HIP1R: variants seen among roughly 807,000 people sequenced by gnomAD.
HIP1R encodes the protein huntingtin-interacting protein 1-related protein.
Under a neutral mutation model 144.2 loss-of-function variants are expected in HIP1R, and 135 were observed. The ratio of observed to expected loss-of-function variants is 0.94; its 90% CI spans 0.81 to 1.08. The LOEUF is 1.08. Among genes scored for constraint, HIP1R ranks in the 50% least tolerant of loss-of-function variants. The pLI is 0.00. For missense variants in HIP1R, 1,462 were observed against 1,432.8 expected (o/e 1.02, Z -0.33); for synonymous variants, 698 against 612.8 (o/e 1.14, Z -2.05).
chr12:122,838,649 G>A (rs1007832152), intron 1 of HIP1R, among the ~76,000 whole-genome samples: 5 of 152,212 alleles, frequency 3.3e-5, no homozygotes, highest in Non-Finnish European at 5.9e-5. Context: ...CTGTGACTAC[G>A]TTAATGACTT....
At chr12:122,861,076 G>T (rs370978894) in intron 29 of HIP1R, 37 bp downstream of exon 29, 4 of 1,613,578 alleles carry the variant, frequency 2.5e-6, no homozygotes, top group Non-Finnish European at 3.4e-6. Context: ...GCTGGCTCCC[G>T]AGGCTGAATG....
chr12:122,841,140 C>T (rs147081435), intron 1 of HIP1R, among the ~76,000 whole-genome samples: 11 of 152,322 alleles, frequency 7.2e-5, no homozygotes, highest in Non-Finnish European at 1.2e-4. Context: ...CCCTCCCCGC[C>T]CAACTTGGTA....
At chr12:122,838,321 T>TA (rs59855317) in intron 1 of HIP1R, among the ~76,000 whole-genome samples, 161 of 127,622 alleles carry the variant, frequency 1.3e-3, no homozygotes, top group Admixed American at 2.6e-3. Context: ...TCCCTTTGGT[T>TA]AAAAAAAAAA....
At chr12:122,853,855 ACCT>A (rs887584207) in intron 7 of HIP1R, 185 bp from the exon 8 acceptor site, 1 of 583,846 alleles carries the variant, frequency 1.7e-6, no homozygotes, top group Non-Finnish European at 2.9e-6. Flanking sequence ...GTTGCCGTTG[ACCT>A]CCTTCATGGG....
At position 122,856,314 on chromosome 12, in the gene HIP1R, C is replaced by T. The variant is rs1318162598; in HGVS notation, c.1371C>T (p.Leu457=). The T allele has an allele frequency of 5.0e-6, 8 of 1,613,886 alleles. No individual in the cohort carries two copies. Among genetic ancestry groups the T allele is most frequent in the Admixed American group, 1.7e-5 (1 of 60,020 alleles). The part of the protein sequence containing the change: ...YNKLKEKHSE[L]VHVHAELLRK... ...AGCTGAAGGAAAAGCACAGTGAGCTCGTCCATGTGCACGCGGAGCTGCTCA... is the reference window on the plus strand; with the variant it reads ...AGCTGAAGGAAAAGCACAGTGAGCTTGTCCATGTGCACGCGGAGCTGCTCA... Residue 457 remains leucine, a synonymous_variant, in exon 15 of 32, where the codon CTC becomes CTT. Transcript: ENST00000253083.
At chr12:122,834,994 CA>C (rs2032827733), upstream of HIP1R, 1 of 1,288,476 alleles carries the variant, frequency 7.8e-7, no homozygotes, top group Admixed American at 2.3e-5. Flanking sequence ...TGCCCTGGTG[CA>C]GACAAGACTT....
chr12:122,856,441 A>G lies in HIP1R; in HGVS notation c.1411A>G (p.Thr471Ala), dbSNP rs750260036. ...HAELLRKNAD[T>A]AKQLTVTQQS... The stretch of plus-strand genomic sequence containing the variant: ...TCCCCTGCCCATGCAGAACGCGGAC[A>G]CAGCCAAGCAGCTGACGGTGACGCA... The change falls in exon 16 of 32, where the codon ACA becomes GCA. Residue 471 changes from threonine to alanine, a missense_variant. This residue lies in a region of HIP1R where 1,112 missense variants were observed against 1,011.7 expected (regional missense o/e 1.10). Coordinates refer to ENST00000253083, the MANE Select transcript of HIP1R (RefSeq NM_003959.3). 6.3e-6 allele frequency: 10 copies of G among 1,593,792 alleles called. No individual in the cohort carries two copies. The South Asian group carries it at 1.0e-4, about 16-fold the overall frequency.
chr12:122,859,474 G>A lies in HIP1R; in HGVS notation c.2344G>A (p.Val782Met), dbSNP rs2271051. Residue 782 changes from valine to methionine, a missense_variant, in exon 23 of 32, where the codon GTG becomes ATG. Physicochemically the swap from Val to Met is conservative, Grantham distance 21. This residue lies in a region of HIP1R where 1,112 missense variants were observed against 1,011.7 expected (regional missense o/e 1.10). Transcript: ENST00000253083. ...LDVRQEELGA[V>M]VDKEMAATSA... ...TGTGCGGCAGGAGGAGCTGGGGGCC[G>A]TGGTCGACAAGGAGATGGCGGCCAC... The A allele has an allele frequency of 0.077, 123,908 of 1,613,164 alleles. 6,348 individuals carry two copies. Among genetic ancestry groups the A allele is most frequent in the East Asian group, 0.22 (10,004 of 44,874 alleles).
chr12:122,855,161 GAGGA>G (rs2033527922), intron 10 of HIP1R, 33 bp downstream of exon 10: 21 of 1,609,886 alleles, frequency 1.3e-5, no homozygotes, highest in Non-Finnish European at 1.8e-5. Flanking sequence ...GAGGCCCTTT[GAGGA>G]CCCCAGGCAC....
chr12:122,860,542 G>T lies in HIP1R; in HGVS notation c.2660+19G>T, dbSNP rs538461538. ...AGCTGGTGTAGGTTGCCCTGGGTGG[G>T]GGGGGGCAGGGGGCTGCTTCCTGCC... On this transcript the variant is annotated intron_variant, in intron 27 of 31. Coordinates refer to ENST00000253083, the MANE Select transcript of HIP1R (RefSeq NM_003959.3). 25 of 1,587,146 alleles carry T rather than the reference G, an allele frequency of 1.6e-5. No individual in the cohort carries two copies. Among genetic ancestry groups the T allele is most frequent in the Middle Eastern group, 1.7e-4 (1 of 5,956 alleles).
chr12:122,851,347 C>T lies in HIP1R; in HGVS notation c.577+50C>T. On this transcript the variant is annotated intron_variant, in intron 7 of 31. Coordinates refer to ENST00000253083, the MANE Select transcript of HIP1R (RefSeq NM_003959.3). ...GGGTCTGAGTGTATTGCTAAGTCCCCAGAGATGGGACGAGAAGAAAAAAGA... is the reference window on the plus strand; with the variant it reads ...GGGTCTGAGTGTATTGCTAAGTCCCTAGAGATGGGACGAGAAGAAAAAAGA... The T allele has an allele frequency of 3.5e-6, 5 of 1,416,810 alleles. 1 individual carries two copies. Among genetic ancestry groups the T allele is most frequent in the East Asian group, 2.7e-5 (1 of 37,384 alleles). The allele number at this position is 1,416,810 out of a possible 1,614,324, so 87.8% of individuals were successfully genotyped here. A position where few individuals can be genotyped will look rare whatever the true frequency, so the allele number is the denominator to read the frequency against.
At chr12:122,848,310 G>A (rs1322236908) in intron 2 of HIP1R, among the ~76,000 whole-genome samples, 156 bp from the exon 3 acceptor site, 2 of 152,204 alleles carry the variant, frequency 1.3e-5, no homozygotes, top group African/African-American at 4.8e-5. Context: ...CCTAACTCCT[G>A]TCCCCTTGGC....
intron 18 of HIP1R, 27 bp downstream of exon 18, chr12:122,857,242 C>T (rs2033614234): frequency 3.2e-6 from 5 of 1,542,412 alleles, no homozygotes; most frequent in East Asian, 4.9e-5. Context: ...TGCAGCAGCA[C>T]CACTGAGTTC....
At chr12:122,851,862 A>G (rs2033409532) in intron 7 of HIP1R, among the ~76,000 whole-genome samples, 1 of 152,094 alleles carries the variant, frequency 6.6e-6, no homozygotes, top group Admixed American at 6.5e-5. Flanking sequence ...GCCCCAAGAC[A>G]GGGAGGGTGA....
At position 122,848,479 on chromosome 12, in the gene HIP1R, C is replaced by T; in HGVS notation, c.171C>T (p.Gly57=). The T allele has an allele frequency of 6.2e-7, 1 of 1,612,208 alleles. No individual in the cohort carries two copies. The highest frequency in any genetic ancestry group is 2.2e-5 in the East Asian group (1 of 44,884). The change falls in exon 3 of 32, where the codon GGC becomes GGT. Residue 57 remains glycine, a synonymous_variant. Transcript: ENST00000253083. ...TTGACATTGCAGGCATCATTCTGGG[C>T]ACACACCACGAGAAGGGGGCTTTCA... The part of the protein sequence containing the change: ...KEKHARRIIL[G]THHEKGAFTF...
chr12:122,860,282 A>T, intron 26 of HIP1R, 72 bp downstream of exon 26: 1 of 1,529,484 alleles, frequency 6.5e-7, no homozygotes, highest in Non-Finnish European at 8.9e-7. Flanking sequence ...CCTGGGCATG[A>T]GACCCTCCAC....
rs759630261 is a variant in HIP1R, at chr12:122,859,784, C to G, written c.2419C>G (p.Gln807Glu). The change falls in exon 24 of 32, where the codon CAG (glutamine) becomes GAG (glutamate). Residue 807 changes from glutamine (Q) to glutamate (E), a missense_variant. Gln to Glu is a conservative substitution (Grantham distance 29). This residue lies in a region of HIP1R where 1,112 missense variants were observed against 1,011.7 expected (regional missense o/e 1.10). Transcript: ENST00000253083. ...TTCTTGGGTGCAGGACATGATGAACCAGGCACGCCACGCCAGCTCGGGGGT... is the reference window on the plus strand; with the variant it reads ...TTCTTGGGTGCAGGACATGATGAACGAGGCACGCCACGCCAGCTCGGGGGT... ...AVRRIEDMMN[Q>E]ARHASSGVKL... 1.9e-6 allele frequency: 3 copies of G among 1,612,954 alleles called. No individual in the cohort carries two copies. The highest frequency in any genetic ancestry group is 2.5e-6 in the Non-Finnish European group (3 of 1,179,810).
chr12:122,856,824 C>T (rs547239631), intron 17 of HIP1R, 98 bp downstream of exon 17: 4 of 1,155,926 alleles, frequency 3.5e-6, no homozygotes, highest in Non-Finnish European at 5.0e-6. Flanking sequence ...CTGGGTGCCA[C>T]TCGGTGATCC....
chr12:122,838,443 G>C (rs975745922), intron 1 of HIP1R, among the ~76,000 whole-genome samples: 1 of 152,084 alleles, frequency 6.6e-6, no homozygotes, highest in African/African-American at 2.4e-5. Flanking sequence ...AACACTGCCT[G>C]TACCATTTAA....
Sources: allele counts gnomAD v4.1 joint callset (sites outside exome capture counted in the v4.1 genomes callset), GRCh38; gene constraint gnomAD v4.1.1; regional missense constraint gnomAD v4.1.1; transcripts MANE v1.5; gene names NCBI Gene and HGNC (gene_info 2026-07-23, HGNC 2026-07-21).